RNF180: variants seen among roughly 807,000 people sequenced by gnomAD.
RNF180 encodes the protein E3 ubiquitin-protein ligase RNF180.
In RNF180, 38 loss-of-function variants were observed where a neutral mutation model predicts 59.2. The observed-to-expected ratio is 0.64, with a 90% CI of 0.50 to 0.84. The LOEUF is 0.84. Ranked by LOEUF, RNF180 falls within the 40% of genes least tolerant of loss-of-function variation. The pLI is 0.00. For missense variants in RNF180, 705 were observed against 700.9 expected, an observed-to-expected ratio of 1.01 and a Z score of -0.07; for synonymous variants, 262 against 240.3, an observed-to-expected ratio of 1.09 and a Z score of -0.84.
intron 7 of RNF180, among the ~76,000 whole-genome samples, chr5:64,359,112 T>A (rs552936781): frequency 5.9e-5 from 9 of 151,650 alleles, no homozygotes; most frequent in African/African-American, 1.9e-4. Flanking sequence ...CATGTGTCTT[T>A]ATAGCAGCAT....
intron 2 of RNF180, among the ~76,000 whole-genome samples, chr5:64,202,583 T>C (rs1751809070): frequency 6.6e-6 from 1 of 152,200 alleles, no homozygotes; most frequent in Admixed American, 6.5e-5. Flanking sequence ...AAGTTTATGT[T>C]CACTTTCGGT....
At chr5:64,367,369 T>C (rs1005787731) in intron 7 of RNF180, among the ~76,000 whole-genome samples, 2 of 151,642 alleles carry the variant, frequency 1.3e-5, no homozygotes, top group African/African-American at 4.8e-5. Context: ...ATATTACATA[T>C]ACTCCATTAA....
chr5:64,202,172 G>A (rs1253775675), intron 2 of RNF180, among the ~76,000 whole-genome samples: 2 of 152,196 alleles, frequency 1.3e-5, no homozygotes, highest in African/African-American at 4.8e-5. Flanking sequence ...TCTGCAGGCA[G>A]TGGTCTCCCT....
intron 1 of RNF180, among the ~76,000 whole-genome samples, chr5:64,198,174 A>T (rs1314127628): frequency 6.6e-6 from 1 of 152,218 alleles, no homozygotes; most frequent in East Asian, 1.9e-4. Flanking sequence ...ACATGTACTT[A>T]AAAATATTGA....
At chr5:64,303,213 A>G (rs1743249186) in intron 5 of RNF180, among the ~76,000 whole-genome samples, 1 of 151,596 alleles carries the variant, frequency 6.6e-6, no homozygotes, top group Non-Finnish European at 1.5e-5. Flanking sequence ...TCTACTGACC[A>G]GCCATTCCCC....
chr5:64,269,082 G>A (rs1744855978), intron 5 of RNF180, among the ~76,000 whole-genome samples: 1 of 151,998 alleles, frequency 6.6e-6, no homozygotes, highest in African/African-American at 2.4e-5. Context: ...ATCTTTAATA[G>A]TCTAAATCTC....
At chr5:64,200,136 T>A (rs1751666016) in intron 1 of RNF180, among the ~76,000 whole-genome samples, 1 of 152,078 alleles carries the variant, frequency 6.6e-6, no homozygotes, top group Non-Finnish European at 1.5e-5. Flanking sequence ...CATGACTCTT[T>A]AAAACCACTG....
At position 64,358,625 on chromosome 5, in the gene RNF180, T is replaced by G. The variant is rs532433015; in HGVS notation, c.1580-10990T>G. ...CAAGTGGTTTTATAGGCTAGATTTA[T>G]CAAACCTTTAAGAATTCTATTTTTT... On this transcript the variant is annotated intron_variant, in intron 7 of 7. Transcript: ENST00000389100. Among the ~76,000 whole-genome samples, 10 of 151,716 alleles carry G rather than the reference T, an allele frequency of 6.6e-5. No individual in the cohort carries two copies. In the South Asian group the frequency reaches 2.1e-3, roughly 31 times the overall value.
rs1355279814 is a variant in RNF180 at position 64,217,344 on chromosome 5, A to G, written c.1192-17A>G. ...ATGTGCTTATTTTTGTGTGAACCTA[A>G]TTTTTTATTTCTCTAGGGTAAATAC... On this transcript the variant is annotated splice_polypyrimidine_tract_variant and intron_variant, in intron 4 of 7. Transcript: ENST00000389100. The G allele has an allele frequency of 1.1e-5, 16 of 1,394,208 alleles. No homozygotes were observed. Among genetic ancestry groups the G allele is most frequent in the Non-Finnish European group, 1.5e-5 (16 of 1,070,092 alleles). 86.4% of individuals were successfully genotyped at this position (1,394,208 alleles called of 1,614,324 possible). A position where few individuals can be genotyped will look rare whatever the true frequency, so the allele number is the denominator to read the frequency against.
chr5:64,291,190 T>C (rs1366376239), intron 5 of RNF180, among the ~76,000 whole-genome samples: 1 of 152,194 alleles, frequency 6.6e-6, no homozygotes, highest in Non-Finnish European at 1.5e-5. Flanking sequence ...GAGTTTCCAC[T>C]GAAGGGTCTG....
Position 64,249,600 on chromosome 5 carries a change from C to T in RNF180, c.1227+32204C>T, listed in dbSNP as rs866117394. ...GAGACTAACTTGACTTCTAAAGACACATGTAGGCTGAAAGTGAAGGGATAG... is the reference window on the plus strand; with the variant it reads ...GAGACTAACTTGACTTCTAAAGACATATGTAGGCTGAAAGTGAAGGGATAG... On this transcript the variant is annotated intron_variant, in intron 5 of 7. Coordinates refer to ENST00000389100, the MANE Select transcript of RNF180 (RefSeq NM_001113561.2). 8.6e-5 allele frequency among the ~76,000 whole-genome samples: 13 copies of T among 151,488 alleles called. No homozygotes were observed. The South Asian group carries it at 2.7e-3, about 31-fold the overall frequency.
At chr5:64,246,181 G>T (rs1356224651) in intron 5 of RNF180, among the ~76,000 whole-genome samples, 1 of 151,962 alleles carries the variant, frequency 6.6e-6, no homozygotes. Context: ...ATCTAAAATC[G>T]ACACCCTAAC....
intron 1 of RNF180, among the ~76,000 whole-genome samples, chr5:64,174,091 TATA>T (rs1165837708): frequency 6.6e-6 from 1 of 152,184 alleles, no homozygotes; most frequent in African/African-American, 2.4e-5. Flanking sequence ...TTTCACTTAA[TATA>T]ATGTCCTCCA....
chr5:64,233,715 C>T (rs1742235933), intron 5 of RNF180, among the ~76,000 whole-genome samples: 1 of 152,204 alleles, frequency 6.6e-6, no homozygotes, highest in Admixed American at 6.5e-5. Flanking sequence ...CCCTAACAAA[C>T]TTGCTTTCAC....
intron 5 of RNF180, among the ~76,000 whole-genome samples, chr5:64,248,993 C>G (rs753196875): frequency 6.6e-6 from 1 of 152,150 alleles, no homozygotes; most frequent in Admixed American, 6.5e-5. Context: ...TCTCAGCAGA[C>G]TAACACAGGA....
chr5:64,201,266 T>G (rs1472779452), intron 2 of RNF180, among the ~76,000 whole-genome samples: 1 of 152,224 alleles, frequency 6.6e-6, no homozygotes, highest in Non-Finnish European at 1.5e-5. Flanking sequence ...TGAGCCTCAG[T>G]AATCACTGCA....
rs150829019 is a variant in RNF180 at position 64,283,256 on chromosome 5, T to A, written c.1228-41930T>A. ...AACTCTTTACTGTCTTGTAATGCCTTATCTTTTTTGATTGTTGTTGGTTTA... is the reference window on the plus strand; with the variant it reads ...AACTCTTTACTGTCTTGTAATGCCTAATCTTTTTTGATTGTTGTTGGTTTA... On this transcript the variant is annotated intron_variant, in intron 5 of 7. Coordinates refer to ENST00000389100, the MANE Select transcript of RNF180 (RefSeq NM_001113561.2). Among the ~76,000 whole-genome samples, 361 of 152,328 alleles carry A rather than the reference T, an allele frequency of 2.4e-3. 2 individuals are homozygous for A. Among genetic ancestry groups the A allele is most frequent in the Middle Eastern group, 6.8e-3 (2 of 294 alleles).
intron 5 of RNF180, among the ~76,000 whole-genome samples, chr5:64,313,983 C>T (rs939996172): frequency 1.3e-5 from 2 of 152,082 alleles, no homozygotes; most frequent in African/African-American, 4.8e-5. Flanking sequence ...ATGTCCTTTG[C>T]TAACTTTTTA....
chr5:64,280,653 C>A (rs899462298), intron 5 of RNF180, among the ~76,000 whole-genome samples: 25 of 151,974 alleles, frequency 1.6e-4, no homozygotes, highest in African/African-American at 5.8e-4. Context: ...TGTACTGTTA[C>A]ATTGGTCTGC....
Sources: gnomAD v4.1 joint callset for allele counts (sites outside exome capture counted in the v4.1 genomes callset) on GRCh38, gnomAD v4.1.1 for gene constraint, MANE v1.5 for transcripts, NCBI Gene and HGNC (gene_info 2026-07-23, HGNC 2026-07-21) for gene names.